The following NKAIN3 variants were observed in gnomAD, a reference collection of about 807,000 sequenced individuals.
The protein encoded by NKAIN3 is sodium/potassium-transporting ATPase subunit beta-1-interacting protein 3.
In NKAIN3, 25 loss-of-function variants were observed where a neutral mutation model predicts 30.2. That is an observed-to-expected ratio of 0.83 (90% CI 0.60 to 1.16). NKAIN3 has a LOEUF of 1.16. NKAIN3 is among the 50% of genes most tolerant of loss of function. NKAIN3 has a pLI of 0.00. For synonymous variants in NKAIN3, 91 were observed against 89.6 expected, an observed-to-expected ratio of 1.02 and a Z score of -0.09; for missense variants, 225 against 254.1, an observed-to-expected ratio of 0.89 and a Z score of 0.78.
chr8:62,374,436 A>T (rs143517708), intron 1 of NKAIN3, among the ~76,000 whole-genome samples: 2 of 152,344 alleles, frequency 1.3e-5, no homozygotes, highest in Non-Finnish European at 2.9e-5. Context: ...TGCAGGAGTG[A>T]TGCAGTACAT....
intron 4 of NKAIN3, among the ~76,000 whole-genome samples, chr8:62,809,451 T>C (rs900498892): frequency 6.6e-6 from 1 of 152,192 alleles, no homozygotes; most frequent in Non-Finnish European, 1.5e-5. Context: ...AACTAATAAA[T>C]GTCCATGAAA....
intron 3 of NKAIN3, among the ~76,000 whole-genome samples, chr8:62,662,362 G>A (rs1269947435): frequency 6.6e-6 from 1 of 152,160 alleles, no homozygotes; most frequent in Non-Finnish European, 1.5e-5. Flanking sequence ...TCTCAGTCAG[G>A]GATGAGGGTC....
intron 1 of NKAIN3, among the ~76,000 whole-genome samples, chr8:62,359,507 C>T (rs765613488): frequency 6.6e-6 from 1 of 152,178 alleles, no homozygotes; most frequent in Non-Finnish European, 1.5e-5. Context: ...GAGAGACTTC[C>T]TCAGGATCGC....
chr8:62,604,839 G>T (rs1396739061), intron 3 of NKAIN3, among the ~76,000 whole-genome samples: 1 of 152,100 alleles, frequency 6.6e-6, no homozygotes, highest in African/African-American at 2.4e-5. Flanking sequence ...TTTTCTAAGT[G>T]TTCAACTATA....
chr8:62,741,827 TA>T (rs571672026), intron 3 of NKAIN3, among the ~76,000 whole-genome samples: 114 of 152,294 alleles, frequency 7.5e-4, no homozygotes, highest in African/African-American at 2.3e-3. Flanking sequence ...CAGGCCCAGC[TA>T]AAAACTCTAA....
At chr8:62,863,177 ATTC>A in intron 4 of NKAIN3, 4 of 1,533,450 alleles carry the variant, frequency 2.6e-6, no homozygotes, top group Non-Finnish European at 3.6e-6. Flanking sequence ...TCTTGCTCCA[ATTC>A]TTCTATCTCC....
rs559110242 is a variant in NKAIN3 at position 62,370,424 on chromosome 8, G to A, written c.54+121297G>A. The stretch of plus-strand genomic sequence containing the variant: ...TGCTTGAAGCTGAAAAAAGAAAATG[G>A]GGGGGAACAAAAGACAAAAAGCATT... On this transcript the variant is annotated intron_variant, in intron 1 of 6. Transcript: ENST00000623646. Among the ~76,000 whole-genome samples the A allele has an allele frequency of 4.6e-5, 7 of 151,860 alleles. No homozygotes were observed. The East Asian group carries it at 7.7e-4, about 17-fold the overall frequency.
chr8:62,702,799 CCAGAACTTTGTT>C (rs1814382037), intron 3 of NKAIN3, among the ~76,000 whole-genome samples: 1 of 152,116 alleles, frequency 6.6e-6, no homozygotes, highest in African/African-American at 2.4e-5. Flanking sequence ...GGTTTAGTTT[CCAGAACTTTGTT>C]CTAGGAAACT....
chr8:62,919,352 C>T (rs2048476436), intron 5 of NKAIN3, among the ~76,000 whole-genome samples: 1 of 145,020 alleles, frequency 6.9e-6, no homozygotes, highest in African/African-American at 2.5e-5. Context: ...TCACACCATT[C>T]TCCTGCCTCA....
chr8:62,481,995 C>G (rs1238970187), intron 1 of NKAIN3, among the ~76,000 whole-genome samples: 1 of 152,206 alleles, frequency 6.6e-6, no homozygotes, highest in Non-Finnish European at 1.5e-5. Flanking sequence ...CTTCTCTCCC[C>G]TGTGAATACC....
Position 62,482,452 on chromosome 8 carries a change from A to G in NKAIN3, c.55-97087A>G, listed in dbSNP as rs1204308865. 5 of 152,200 alleles carry G rather than the reference A, an allele frequency of 3.3e-5. No homozygotes were observed. The East Asian group carries it at 7.7e-4, about 24-fold the overall frequency. The allele number at this position is 152,200 out of a possible 1,614,324, so 9.4% of individuals were successfully genotyped here. A position where few individuals can be genotyped will look rare whatever the true frequency, so the allele number is the denominator to read the frequency against. On this transcript the variant is annotated intron_variant, in intron 1 of 6. Coordinates refer to ENST00000623646, the MANE Select transcript of NKAIN3 (RefSeq NM_001304533.3). ...CCAATTTCAATCATGCAAAAGGTCA[A>G]ATTGTGCTCAGGGAGAGCTGTGGTG...
intron 4 of NKAIN3, among the ~76,000 whole-genome samples, chr8:62,890,239 A>G (rs542447984): frequency 6.6e-6 from 1 of 152,358 alleles, no homozygotes; most frequent in South Asian, 2.1e-4. Flanking sequence ...CAAGGGGATT[A>G]TGGAAGCATT....
chr8:62,341,792 T>C (rs1815755263), intron 1 of NKAIN3, among the ~76,000 whole-genome samples: 1 of 152,006 alleles, frequency 6.6e-6, no homozygotes, highest in Non-Finnish European at 1.5e-5. Flanking sequence ...ATGAGACCCA[T>C]GAGGTTCATT....
chr8:62,818,176 G>A (rs1452450772), intron 4 of NKAIN3, among the ~76,000 whole-genome samples: 1 of 152,084 alleles, frequency 6.6e-6, no homozygotes, highest in East Asian at 1.9e-4. Context: ...ATAATTAATA[G>A]TATTGTACCA....
At chr8:62,389,685 A>G (rs1487866296) in intron 1 of NKAIN3, among the ~76,000 whole-genome samples, 1 of 152,200 alleles carries the variant, frequency 6.6e-6, no homozygotes, top group Admixed American at 6.5e-5. Flanking sequence ...GGTGGGTATG[A>G]AGGATGGATG....
intron 1 of NKAIN3, among the ~76,000 whole-genome samples, chr8:62,480,729 T>C (rs572073965): frequency 2.1e-4 from 32 of 152,214 alleles, no homozygotes; most frequent in African/African-American, 6.7e-4. Flanking sequence ...TGTATTACTT[T>C]CAGTCTTTCT....
chr8:62,912,112 C>T (rs746344273), intron 4 of NKAIN3, among the ~76,000 whole-genome samples: 2 of 152,132 alleles, frequency 1.3e-5, no homozygotes, highest in Non-Finnish European at 2.9e-5. Context: ...CTCTATAGCA[C>T]TGTTACTGTA....
At chr8:62,667,095 C>T (rs1177340814) in intron 3 of NKAIN3, among the ~76,000 whole-genome samples, 1 of 135,292 alleles carries the variant, frequency 7.4e-6, no homozygotes, top group East Asian at 2.1e-4. Flanking sequence ...GGCAATTGAA[C>T]AATGAGAACA....
At chr8:62,319,032 A>G (rs1188428828) in intron 1 of NKAIN3, among the ~76,000 whole-genome samples, 3 of 152,096 alleles carry the variant, frequency 2.0e-5, no homozygotes, top group Admixed American at 6.5e-5. Flanking sequence ...GTCTATTCAG[A>G]GATTCAGCTT....
Sources: gnomAD v4.1 joint callset for allele counts (sites outside exome capture counted in the v4.1 genomes callset) on GRCh38, gnomAD v4.1.1 for gene constraint, MANE v1.5 for transcripts, NCBI Gene and HGNC (gene_info 2026-07-23, HGNC 2026-07-21) for gene names.